Variants in TENM2 observed in about 807,000 individuals in gnomAD.
The protein encoded by TENM2 is teneurin transmembrane protein 2.
A neutral mutation model predicts 245.2 loss-of-function variants in TENM2; 52 were observed. The observed-to-expected ratio is 0.21, with a 90% CI of 0.17 to 0.27. The LOEUF (loss-of-function observed/expected upper bound fraction) is 0.27, where lower values mean the gene tolerates loss of function less well. Among genes scored for constraint, TENM2 ranks in the 10% least tolerant of loss-of-function variants. TENM2 has a pLI of 1.00. For missense variants in TENM2, 3,046 were observed against 3,666.8 expected (o/e 0.83, Z 4.37); for synonymous variants, 1,363 against 1,438.9 (o/e 0.95, Z 1.19).
At chr5:167,288,724 G>A (rs1754459236) in intron 1 of TENM2, among the ~76,000 whole-genome samples, 1 of 152,164 alleles carries the variant, frequency 6.6e-6, no homozygotes, top group African/African-American at 2.4e-5. Context: ...TTAGGAAACT[G>A]AGTCAGAGAG....
the TENM2 span, among the ~76,000 whole-genome samples, chr5:167,276,611 C>G: frequency 6.6e-6 from 1 of 151,816 alleles, no homozygotes; most frequent in African/African-American, 2.4e-5. Context: ...GGATTGGTTC[C>G]GGGATGTCGC....
At chr5:167,935,201 G>A (rs185000598) in intron 3 of TENM2, among the ~76,000 whole-genome samples, 202 of 152,250 alleles carry the variant, frequency 1.3e-3, no homozygotes, top group Non-Finnish European at 2.1e-3. Flanking sequence ...AGTGCCGATG[G>A]CACTCTTGTT....
the TENM2 span, among the ~76,000 whole-genome samples, chr5:167,061,362 C>T: frequency 6.6e-6 from 1 of 152,326 alleles, no homozygotes; most frequent in African/African-American, 2.4e-5. Flanking sequence ...AGATCGCACT[C>T]ATCCTAAAGT....
At chr5:167,283,920 C>T (rs1771192204), upstream of TENM2, among the ~76,000 whole-genome samples, 1 of 152,110 alleles carries the variant, frequency 6.6e-6, no homozygotes, top group Non-Finnish European at 1.5e-5. Context: ...TCCCTGGTTG[C>T]CAGTTCATAT....
intron 2 of TENM2, among the ~76,000 whole-genome samples, chr5:167,687,592 G>T (rs954299526): frequency 6.6e-5 from 10 of 152,116 alleles, no homozygotes; most frequent in Admixed American, 5.2e-4. Flanking sequence ...TTGACGTTGA[G>T]AGTTCACAGA....
At chr5:167,629,411 T>C (rs1249459887) in intron 2 of TENM2, among the ~76,000 whole-genome samples, 3 of 152,242 alleles carry the variant, frequency 2.0e-5, no homozygotes, top group Admixed American at 6.5e-5. Context: ...GTAAATGCTA[T>C]TCATTAATAC....
chr5:167,525,998 G>C (rs961979945), intron 2 of TENM2, among the ~76,000 whole-genome samples: 1 of 151,934 alleles, frequency 6.6e-6, no homozygotes, highest in African/African-American at 2.4e-5. Context: ...GATAGCAAAT[G>C]TCTTTTTTCT....
intron 15 of TENM2, among the ~76,000 whole-genome samples, chr5:168,196,392 A>G (rs1761430544): frequency 6.6e-6 from 1 of 152,226 alleles, no homozygotes; most frequent in Admixed American, 6.5e-5. Context: ...AAAGCACAGG[A>G]TGGCAGATGT....
intron 3 of TENM2, among the ~76,000 whole-genome samples, chr5:167,930,377 T>C (rs1778183970): frequency 6.6e-6 from 1 of 152,152 alleles, no homozygotes; most frequent in Non-Finnish European, 1.5e-5. Flanking sequence ...GAAGAATCGT[T>C]TTTAAAAAGG....
chr5:167,982,578 A>G lies in TENM2; in HGVS notation c.948-10366A>G, dbSNP rs12655568. On this transcript the variant is annotated intron_variant, in intron 4 of 28. Transcript: ENST00000518659. Reference sequence around the variant, plus strand: ...GGATGTAAATATTGCTATTGTCTCTATTTTTTTAGAGGAGGCATCTGAGGA... The same window carrying G: ...GGATGTAAATATTGCTATTGTCTCTGTTTTTTTAGAGGAGGCATCTGAGGA... Among the ~76,000 whole-genome samples, 29 of 151,950 alleles carry G rather than the reference A, an allele frequency of 1.9e-4. No individual in the cohort carries two copies. In the East Asian group the frequency reaches 4.8e-3, roughly 25 times the overall value.
chr5:167,594,211 G>C (rs17417450), intron 2 of TENM2, among the ~76,000 whole-genome samples: 3 of 152,150 alleles, frequency 2.0e-5, no homozygotes, highest in Admixed American at 2.0e-4. Flanking sequence ...AAGATCATAT[G>C]ATACAATGCC....
At chr5:167,093,892 C>T in the TENM2 span, among the ~76,000 whole-genome samples, 1 of 152,206 alleles carries the variant, frequency 6.6e-6, no homozygotes, top group Admixed American at 6.5e-5. Context: ...GCTATAGTAT[C>T]TCTCATCAGT....
intron 2 of TENM2, among the ~76,000 whole-genome samples, chr5:167,778,132 A>T (rs1218203960): frequency 6.6e-6 from 1 of 152,188 alleles, no homozygotes; most frequent in African/African-American, 2.4e-5. Context: ...GGATCCATCA[A>T]GGTAGTCTCC....
chr5:167,430,295 A>T (rs1309200178), intron 2 of TENM2, among the ~76,000 whole-genome samples: 1 of 152,192 alleles, frequency 6.6e-6, no homozygotes, highest in Non-Finnish European at 1.5e-5. Context: ...GGCCATCACG[A>T]TCAATCAAAC....
At chr5:167,946,151 A>C (rs1390054990) in intron 3 of TENM2, among the ~76,000 whole-genome samples, 1 of 152,218 alleles carries the variant, frequency 6.6e-6, no homozygotes, top group African/African-American at 2.4e-5. Flanking sequence ...TCATTGTCCC[A>C]CATGCCCAGT....
At chr5:168,047,349 G>T (rs1395130926) in intron 5 of TENM2, 78 bp from the exon 8 acceptor site, 1 of 1,514,910 alleles carries the variant, frequency 6.6e-7, no homozygotes. Flanking sequence ...GCTTGGAAAA[G>T]GGCACCTGGC....
At chr5:167,884,724 C>T (rs1774150518) in intron 3 of TENM2, among the ~76,000 whole-genome samples, 1 of 152,132 alleles carries the variant, frequency 6.6e-6, no homozygotes, top group African/African-American at 2.4e-5. Context: ...TATTGGTGTA[C>T]AAATAATTGT....
At chr5:167,202,919 G>C in the TENM2 span, among the ~76,000 whole-genome samples, 1 of 152,148 alleles carries the variant, frequency 6.6e-6, no homozygotes, top group South Asian at 2.1e-4. Context: ...TGATTCCAGA[G>C]AACTTGAACT....
At chr5:168,098,199 A>C in intron 9 of TENM2, 72 bp downstream of exon 11, 1 of 1,069,836 alleles carries the variant, frequency 9.3e-7, no homozygotes, top group Non-Finnish European at 1.4e-6. Flanking sequence ...GGGTAACAGA[A>C]GGGACATCCA....
Sources: allele counts gnomAD v4.1 joint callset (sites outside exome capture counted in the v4.1 genomes callset), GRCh38; gene constraint gnomAD v4.1.1; transcripts MANE v1.5; gene names NCBI Gene and HGNC (gene_info 2026-07-23, HGNC 2026-07-21).